Variants in HTR4 observed in about 807,000 individuals in gnomAD.
HTR4 encodes 5-hydroxytryptamine receptor 4, also known as 5-hydroxytryptamine (serotonin) receptor 4, G protein-coupled.
In HTR4, 16 loss-of-function variants were observed where a neutral mutation model predicts 36.8. The ratio of observed to expected loss-of-function variants is 0.43; its 90% CI spans 0.29 to 0.66. HTR4 has a LOEUF of 0.66. Ranked by LOEUF, HTR4 falls within the 30% of genes least tolerant of loss-of-function variation. The pLI, the probability that HTR4 is intolerant of heterozygous loss-of-function variation, is 0.13. For missense variants in HTR4, 438 were observed against 490.9 expected (o/e 0.89, Z 1.02); for synonymous variants, 189 against 185.1 (o/e 1.02, Z -0.17).
chr5:148,565,823 C>T lies in HTR4; in HGVS notation c.27-15561G>A, dbSNP rs150783689. Among the ~76,000 whole-genome samples, 48 of 152,252 alleles carry T rather than the reference C, an allele frequency of 3.2e-4. No homozygotes were observed. In the Middle Eastern group the frequency reaches 0.01, roughly 33 times the overall value. On this transcript the variant is annotated intron_variant, in intron 2 of 6. Transcript: ENST00000377888. The stretch of plus-strand genomic sequence containing the variant: ...CCTCTATCCACTACTTCTCCTCCTG[C>T]ACCTGGTTACTAGTCATCTCTAGAG...
rs114717467 is a variant in HTR4, at chr5:148,529,117, C to T, written c.354-5771G>A. Among the ~76,000 whole-genome samples, 159 of 152,040 alleles carry T rather than the reference C, an allele frequency of 1.0e-3. 2 individuals carry two copies. Among genetic ancestry groups the T allele is most frequent in the African/African-American group, 3.8e-3 (156 of 41,480 alleles). ...TGGTAAGAACTGAGCTGGCATCTAG[C>T]CCAGGCAGACTCACTCAAGAGCCAG... On this transcript the variant is annotated intron_variant, in intron 4 of 6. Transcript: ENST00000377888.
At chr5:148,467,918 G>A (rs1755469678) in intron 5 of HTR4, among the ~76,000 whole-genome samples, 1 of 152,220 alleles carries the variant, frequency 6.6e-6, no homozygotes, top group South Asian at 2.1e-4. Context: ...TTGGTATGGT[G>A]AAAAGGAGTG....
chr5:148,598,574 T>C (rs1761870864), intron 2 of HTR4, among the ~76,000 whole-genome samples: 1 of 151,442 alleles, frequency 6.6e-6, no homozygotes, highest in Non-Finnish European at 1.5e-5. Context: ...AAAAAGCCAG[T>C]AGTTGAGATC....
At position 148,482,260 on chromosome 5, in the gene HTR4, C is replaced by A. The variant is rs764188685; in HGVS notation, c.*943G>T. 3.1e-5 allele frequency: 31 copies of A among 985,404 alleles called. No homozygotes were observed. The highest frequency in any genetic ancestry group is 3.5e-5 in the African/African-American group (2 of 57,226). 61.0% of individuals were successfully genotyped at this position (985,404 alleles called of 1,614,324 possible). On this transcript the variant is annotated 3_prime_UTR_variant, in exon 7 of 7. Coordinates refer to ENST00000377888, the MANE Select transcript of HTR4 (RefSeq NM_000870.7). ...CAACAGTTATCTCCTTTGGCAGCAA[C>A]AAAGCCAGATTGAAGGGTTTCAAAA...
At chr5:148,611,051 T>C (rs1241817781) in intron 2 of HTR4, among the ~76,000 whole-genome samples, 2 of 149,418 alleles carry the variant, frequency 1.3e-5, no homozygotes, top group African/African-American at 2.5e-5. Flanking sequence ...CTACGTCTGA[T>C]TGGTGTACCT....
intron 2 of HTR4, among the ~76,000 whole-genome samples, chr5:148,579,417 T>C (rs4336353): frequency 0.26 from 39,417 of 151,956 alleles, 6,408 homozygotes; most frequent in African/African-American, 0.46. Context: ...ACAAAAATTT[T>C]AGAGTCAGCC....
At chr5:148,472,707 C>A (rs564335467), downstream of HTR4, among the ~76,000 whole-genome samples, 1 of 151,874 alleles carries the variant, frequency 6.6e-6, no homozygotes, top group Admixed American at 6.6e-5. Flanking sequence ...AACTGGCAGG[C>A]GATGGAAGAA....
chr5:148,551,160 T>C lies in HTR4; in HGVS notation c.27-898A>G, dbSNP rs576756536. ...AGCAAGTTACTTTGCATTCATACAG[T>C]TACTTGGCCTGAATGCAAAGCCATC... On this transcript the variant is annotated intron_variant, in intron 2 of 6. Transcript: ENST00000377888. Among the ~76,000 whole-genome samples the C allele has an allele frequency of 3.3e-5, 5 of 152,294 alleles. No individual in the cohort carries two copies. In the South Asian group the frequency reaches 1.0e-3, roughly 32 times the overall value.
intron 1 of HTR4, among the ~76,000 whole-genome samples, chr5:148,651,149 T>C (rs531881038): frequency 6.6e-6 from 1 of 152,346 alleles, no homozygotes; most frequent in East Asian, 1.9e-4. Flanking sequence ...ATCATTCTCA[T>C]TAAGCATTTA....
rs1561629253 is a variant in HTR4, at chr5:148,576,126, A to AAAAAAAAC, written c.27-25872_27-25865dup. Among the ~76,000 whole-genome samples the AAAAAAAAC allele has an allele frequency of 5.4e-5, 8 of 149,288 alleles. 1 individual carries two copies. Among genetic ancestry groups the AAAAAAAAC allele is most frequent in the Non-Finnish European group, 7.4e-5 (5 of 67,328 alleles). ...ACTCCGTCTCAAAAAAAAAAAAAAAAAAAAAAACAAAATCAATGTAAAAAA... is the reference window on the plus strand; with the variant it reads ...ACTCCGTCTCAAAAAAAAAAAAAAAAAAAAAAACAAAAAAACAAAATCAATGTAAAAAA... On this transcript the variant is annotated intron_variant, in intron 2 of 6. Transcript: ENST00000377888.
chr5:148,559,974 C>T (rs1760122536), intron 2 of HTR4, among the ~76,000 whole-genome samples: 1 of 151,996 alleles, frequency 6.6e-6, no homozygotes, highest in Non-Finnish European at 1.5e-5. Context: ...GAATAAATTG[C>T]TTGTTTGTTC....
chr5:148,468,721 C>G (rs532921792), intron 5 of HTR4, among the ~76,000 whole-genome samples: 22 of 152,280 alleles, frequency 1.4e-4, no homozygotes, highest in African/African-American at 5.1e-4. Context: ...GCTGAAGAGT[C>G]TTGATATGGC....
chr5:148,519,669 T>C lies in HTR4; in HGVS notation c.507+3524A>G, dbSNP rs146314009. ...TTTTATGGTCATTTGTAGACATGCATGTGCACAAAGCAGTGGAAGCATTGT... is the reference window on the plus strand; with the variant it reads ...TTTTATGGTCATTTGTAGACATGCACGTGCACAAAGCAGTGGAAGCATTGT... On this transcript the variant is annotated intron_variant, in intron 5 of 6. Transcript: ENST00000377888. Among the ~76,000 whole-genome samples, 1,109 of 152,340 alleles carry C rather than the reference T, an allele frequency of 7.3e-3. 5 individuals carry two copies. Among genetic ancestry groups the C allele is most frequent in the Admixed American group, 0.013 (203 of 15,298 alleles).
intron 2 of HTR4, among the ~76,000 whole-genome samples, chr5:148,573,504 T>C (rs1415995020): frequency 6.6e-6 from 1 of 152,010 alleles, no homozygotes; most frequent in African/African-American, 2.4e-5. Flanking sequence ...GGGGTTAAAG[T>C]GTGTGTGTCA....
chr5:148,633,266 A>T (rs539470168), intron 2 of HTR4, among the ~76,000 whole-genome samples: 7 of 152,296 alleles, frequency 4.6e-5, no homozygotes, highest in Admixed American at 3.3e-4. Context: ...CTTAAGAGGA[A>T]AATGCTTATA....
chr5:148,570,635 T>C (rs576663193), intron 2 of HTR4, among the ~76,000 whole-genome samples: 16 of 152,138 alleles, frequency 1.1e-4, no homozygotes, highest in African/African-American at 3.9e-4. Context: ...GGATGCCTCA[T>C]GTCAGATGCG....
intron 2 of HTR4, among the ~76,000 whole-genome samples, chr5:148,570,831 T>G (rs1454790347): frequency 7.1e-6 from 1 of 141,584 alleles, no homozygotes; most frequent in Non-Finnish European, 1.6e-5. Context: ...TATGTGTGTG[T>G]GGGTTTTTGT....
intron 2 of HTR4, among the ~76,000 whole-genome samples, chr5:148,567,744 C>G (rs1760506847): frequency 6.6e-6 from 1 of 152,136 alleles, no homozygotes; most frequent in Non-Finnish European, 1.5e-5. Context: ...GGTCTCTGCT[C>G]AAAGGTGTCC....
At position 148,507,861 on chromosome 5, in the gene HTR4, T is replaced by A. The variant is rs558647897; in HGVS notation, c.1076+1595A>T. Among the ~76,000 whole-genome samples, 8 of 152,334 alleles carry A rather than the reference T, an allele frequency of 5.3e-5. No homozygotes were observed. In the South Asian group the frequency reaches 1.7e-3, roughly 32 times the overall value. ...AGCCTGTACTTAGGCAACTGCTAGATTAAATAGCTAAAAACTATTTGGCAC... is the reference window on the plus strand; with the variant it reads ...AGCCTGTACTTAGGCAACTGCTAGAATAAATAGCTAAAAACTATTTGGCAC... On this transcript the variant is annotated intron_variant, in intron 6 of 6. Transcript: ENST00000377888.
Sources: gnomAD v4.1 joint callset for allele counts (sites outside exome capture counted in the v4.1 genomes callset) on GRCh38, gnomAD v4.1.1 for gene constraint, MANE v1.5 for transcripts, NCBI Gene and HGNC (gene_info 2026-07-23, HGNC 2026-07-21) for gene names.